The following ARHGAP19 variants were observed in gnomAD, a reference collection of about 807,000 sequenced individuals.
The protein encoded by ARHGAP19 is Rho GTPase activating protein 19.
A neutral mutation model predicts 60.9 loss-of-function variants in ARHGAP19; 48 were observed. The observed-to-expected ratio is 0.79, with a 90% CI of 0.62 to 1.00. The LOEUF (loss-of-function observed/expected upper bound fraction) is 1.00. ARHGAP19 is among the 50% of genes least tolerant of loss of function. ARHGAP19 has a pLI of 0.00. For missense variants in ARHGAP19, 562 were observed against 597.2 expected (o/e 0.94, Z 0.61); for synonymous variants, 209 against 215.5 (o/e 0.97, Z 0.27).
rs560988477 is a variant in ARHGAP19 at position 97,248,034 on chromosome 10, C to T, written c.928-1697G>A. ...AGGTTGGAGTGCAATGGCATGATCT[C>T]GGCTCACTGCAACCTCCGCCTCCCA... On this transcript the variant is annotated intron_variant, in intron 6 of 11. Transcript: ENST00000358531. 4.8e-5 allele frequency among the ~76,000 whole-genome samples: 7 copies of T among 146,250 alleles called. No individual in the cohort carries two copies. In the South Asian group the frequency reaches 1.5e-3, roughly 31 times the overall value.
intron 9 of ARHGAP19, among the ~76,000 whole-genome samples, chr10:97,233,571 T>C (rs1362983174): frequency 2.0e-5 from 3 of 152,132 alleles, no homozygotes; most frequent in African/African-American, 7.2e-5. Context: ...ATGTTCTCAC[T>C]TGTGAGTAGG....
At chr10:97,245,575 A>G (rs1253388) in intron 7 of ARHGAP19, among the ~76,000 whole-genome samples, 137,577 of 146,474 alleles carry the variant, frequency 0.94, 65,256 homozygotes, top group East Asian at 1. Context: ...CAGCCTACCC[A>G]ACAGAGCGAA....
chr10:97,260,309 T>C lies in ARHGAP19; in HGVS notation c.614-681A>G, dbSNP rs533397542. 4.3e-3 allele frequency among the ~76,000 whole-genome samples: 639 copies of C among 148,278 alleles called. 2 individuals carry two copies. Among genetic ancestry groups the C allele is most frequent in the Non-Finnish European group, 7.2e-3 (482 of 67,126 alleles). On this transcript the variant is annotated intron_variant, in intron 4 of 11. Coordinates refer to ENST00000358531, the MANE Select transcript of ARHGAP19 (RefSeq NM_032900.6). ...ACTTTGAGAGGCCGAGGCGGGCGGATCACAAGGTCAGGAGATCGAGACCAT... is the reference window on the plus strand; with the variant it reads ...ACTTTGAGAGGCCGAGGCGGGCGGACCACAAGGTCAGGAGATCGAGACCAT...
chr10:97,240,531 A>AT (rs1842462410), intron 8 of ARHGAP19, among the ~76,000 whole-genome samples: 1 of 152,148 alleles, frequency 6.6e-6, no homozygotes. Flanking sequence ...CTCCACTATA[A>AT]TCTCAGTTAC....
intron 1 of ARHGAP19, among the ~76,000 whole-genome samples, chr10:97,289,062 C>T (rs1248265642): frequency 6.6e-6 from 1 of 151,260 alleles, no homozygotes; most frequent in African/African-American, 2.4e-5. Flanking sequence ...CATGATCCAC[C>T]TGCCTCAGCC....
At position 97,265,958 on chromosome 10, in the gene ARHGAP19, T is replaced by C; in HGVS notation, c.224A>G (p.Glu75Gly). The change falls in exon 2 of 12, where the codon GAG becomes GGG. Residue 75 changes from glutamate to glycine, a missense_variant. Transcript: ENST00000358531. ...CACTTCCCCCATCAGCTGAGCCAAC[T>C]CAGTTCCAGGTAAATCGATGAGCCT... is the stretch of plus-strand genomic sequence containing the variant. ...ITRLIDLPGT[E>G]LAQLMGEVDL... The C allele has an allele frequency of 6.2e-7, 1 of 1,614,114 alleles. No individual in the cohort carries two copies. The highest frequency in any genetic ancestry group is 1.3e-5 in the African/African-American group (1 of 75,002).
chr10:97,225,330 A>C lies in ARHGAP19; in HGVS notation c.*792T>G, dbSNP rs1850876117. 6.6e-6 allele frequency: 1 copy of C among 152,246 alleles called. No individual in the cohort carries two copies. The highest frequency in any genetic ancestry group is 2.4e-5 in the African/African-American group (1 of 41,468). The allele number at this position is 152,246 out of a possible 1,614,324, so 9.4% of individuals were successfully genotyped here. ...AGTTCAGCAAAACACAATTATTTTC[A>C]CATCACTGAGGAAAGGGAAAGAGAG... On this transcript the variant is annotated 3_prime_UTR_variant, in exon 12 of 12. Transcript: ENST00000358531.
At chr10:97,264,216 C>A (rs1842867692) in intron 3 of ARHGAP19, among the ~76,000 whole-genome samples, 1 of 152,144 alleles carries the variant, frequency 6.6e-6, no homozygotes, top group East Asian at 1.9e-4. Context: ...CTTTGGGAGG[C>A]CTAGGCGGAT....
intron 8 of ARHGAP19, among the ~76,000 whole-genome samples, chr10:97,237,490 T>A (rs926013622): frequency 2.0e-5 from 3 of 152,126 alleles, no homozygotes; most frequent in Non-Finnish European, 4.4e-5. Flanking sequence ...GTGACTGCAG[T>A]GATGCTGGAA....
intron 8 of ARHGAP19, among the ~76,000 whole-genome samples, chr10:97,239,954 G>T (rs1842452851): frequency 6.6e-6 from 1 of 152,004 alleles, no homozygotes; most frequent in Non-Finnish European, 1.5e-5. Context: ...TGACCGGCCT[G>T]CCTCAGCCTC....
rs774136530 is a variant in ARHGAP19 at position 97,292,605 on chromosome 10, T to C, written c.23A>G (p.Glu8Gly). Reference sequence around the variant, plus strand: ...GGATTCGCGGGCTGGCACCTCCCCTTCACTCTGTGCCTCAGTCGCCATCTT... The same window carrying C: ...GGATTCGCGGGCTGGCACCTCCCCTCCACTCTGTGCCTCAGTCGCCATCTT... MATEAQSEGEVPARESGR... is the reference protein window; with the variant it reads MATEAQSGGEVPARESGR... The change falls in exon 1 of 12, where the codon GAA becomes GGA. Residue 8 changes from glutamate (E) to glycine (G), a missense_variant. Coordinates refer to ENST00000358531, the MANE Select transcript of ARHGAP19 (RefSeq NM_032900.6). The C allele has an allele frequency of 2.3e-5, 37 of 1,614,076 alleles. No individual in the cohort carries two copies. In the East Asian group the frequency reaches 2.4e-4, roughly 11 times the overall value.
intron 11 of ARHGAP19, among the ~76,000 whole-genome samples, chr10:97,228,321 A>C (rs1850936000): frequency 6.6e-6 from 1 of 152,238 alleles, no homozygotes; most frequent in African/African-American, 2.4e-5. Context: ...AGCCTTATAT[A>C]ACAAGACCAG....
In ARHGAP19 at chr10:97,256,390, G is replaced by A; in HGVS notation, c.855C>T (p.Asp285=). 6.2e-7 allele frequency: 1 copy of A among 1,613,492 alleles called. No homozygotes were observed. The highest frequency in any genetic ancestry group is 8.5e-7 in the Non-Finnish European group (1 of 1,179,492). The part of the protein sequence containing the change: ...VLWPKNVTAN[D]LQENITKLNS... ...TTAACTTTGTGATATTCTCCTGAAG[G>A]TCATTTGCAGTGACCTATTCAGAGG... The change falls in exon 6 of 12, where the codon GAC becomes GAT. Residue 285 remains aspartate, a synonymous_variant. Transcript: ENST00000358531.
intron 1 of ARHGAP19, among the ~76,000 whole-genome samples, chr10:97,289,245 G>A (rs1003344181): frequency 4.6e-5 from 7 of 151,752 alleles, no homozygotes; most frequent in Non-Finnish European, 1.0e-4. Context: ...CTCCCAAGTA[G>A]GTGGGATTAC....
chr10:97,255,604 T>C (rs760070938), intron 6 of ARHGAP19, among the ~76,000 whole-genome samples: 4 of 151,964 alleles, frequency 2.6e-5, no homozygotes, highest in Non-Finnish European at 5.9e-5. Flanking sequence ...AATTAAGAGA[T>C]TCACTATCAA....
At chr10:97,282,968 A>T (rs938892683) in intron 1 of ARHGAP19, among the ~76,000 whole-genome samples, 8 of 148,436 alleles carry the variant, frequency 5.4e-5, no homozygotes, top group Non-Finnish European at 1.2e-4. Flanking sequence ...CCAGCCTCCC[A>T]AGTAGCTGGG....
At chr10:97,240,186 C>A (rs961808148) in intron 8 of ARHGAP19, among the ~76,000 whole-genome samples, 1 of 150,550 alleles carries the variant, frequency 6.6e-6, no homozygotes, top group South Asian at 2.1e-4. Context: ...GGACCTAGTA[C>A]ACGTAGCAGC....
intron 6 of ARHGAP19, among the ~76,000 whole-genome samples, chr10:97,248,809 A>G (rs771522328): frequency 3.3e-5 from 5 of 151,774 alleles, no homozygotes; most frequent in Non-Finnish European, 2.9e-5. Flanking sequence ...GATAATTTAA[A>G]TATCAATTTT....
At chr10:97,239,552 GTGTGTGTGTGT>G (rs1564713516) in intron 8 of ARHGAP19, among the ~76,000 whole-genome samples, 113 of 9,914 alleles carry the variant, frequency 0.011, 2 homozygotes, top group Admixed American at 0.021. Flanking sequence ...GAGAGAGAGG[GTGTGTGTGTGT>G]GTGTGTGTGT....
Sources: gnomAD v4.1 joint callset for allele counts (sites outside exome capture counted in the v4.1 genomes callset) on GRCh38, gnomAD v4.1.1 for gene constraint, MANE v1.5 for transcripts, NCBI Gene and HGNC (gene_info 2026-07-23, HGNC 2026-07-21) for gene names.